AMD1: variants seen among roughly 807,000 people sequenced by gnomAD.
AMD1 encodes the protein S-adenosylmethionine decarboxylase proenzyme.
AMD1 carries 11 observed loss-of-function variants against 40.2 expected under a neutral mutation model. The ratio of observed to expected loss-of-function variants is 0.27; its 90% CI spans 0.17 to 0.45. The LOEUF (loss-of-function observed/expected upper bound fraction) is 0.45. AMD1 is among the 20% of genes least tolerant of loss of function. The probability of loss-of-function intolerance (pLI) is 1.00; values close to 1 mark genes in which losing one functional copy is unlikely to be tolerated. For missense variants in AMD1, 257 were observed against 410.2 expected, an observed-to-expected ratio of 0.63 and a Z score of 3.23; for synonymous variants, 121 against 130.8, an observed-to-expected ratio of 0.93 and a Z score of 0.51.
chr6:110,859,493 A>AT, the AMD1 span, among the ~76,000 whole-genome samples: 2 of 152,068 alleles, frequency 1.3e-5, no homozygotes, highest in African/African-American at 2.4e-5. Context: ...TCTCTTCCCC[A>AT]TTGTGTCAGC....
At chr6:110,879,098 CATGTCTAATCCCAGCACTCT>C (rs1785265285) in intron 1 of AMD1, among the ~76,000 whole-genome samples, 1 of 152,140 alleles carries the variant, frequency 6.6e-6, no homozygotes, top group Non-Finnish European at 1.5e-5. Context: ...CTTGGTGGCT[CATGTCTAATCCCAGCACTCT>C]GAGAGACCAA....
intron 1 of AMD1, among the ~76,000 whole-genome samples, chr6:110,886,770 C>T (rs904587947): frequency 3.9e-5 from 6 of 152,184 alleles, no homozygotes; most frequent in Non-Finnish European, 8.8e-5. Context: ...GAGACCCTGT[C>T]TCAAAAAATA....
At chr6:110,868,719 A>G in the AMD1 span, among the ~76,000 whole-genome samples, 1 of 152,168 alleles carries the variant, frequency 6.6e-6, no homozygotes, top group Non-Finnish European at 1.5e-5. Context: ...CTTTTGGGAC[A>G]GATTATACAT....
chr6:110,860,009 T>A, the AMD1 span, among the ~76,000 whole-genome samples: 18 of 152,146 alleles, frequency 1.2e-4, no homozygotes, highest in Non-Finnish European at 2.2e-4. Flanking sequence ...GTATTTTTAT[T>A]AGAGATGGGG....
chr6:110,884,688 T>C (rs1318267817), intron 1 of AMD1, among the ~76,000 whole-genome samples: 1 of 152,024 alleles, frequency 6.6e-6, no homozygotes, highest in Non-Finnish European at 1.5e-5. Flanking sequence ...TCTTGGCCTC[T>C]GAACCACAGT....
chr6:110,831,362 T>C, the AMD1 span, among the ~76,000 whole-genome samples: 1 of 151,070 alleles, frequency 6.6e-6, no homozygotes, highest in Non-Finnish European at 1.5e-5. Context: ...TGGCTTGAAC[T>C]CGGGAGGCAG....
chr6:110,818,858 C>T, the AMD1 span, among the ~76,000 whole-genome samples: 1 of 152,188 alleles, frequency 6.6e-6, no homozygotes, highest in East Asian at 1.9e-4. Flanking sequence ...CTCTCTGTGC[C>T]TTATAATTTA....
At chr6:110,826,794 C>A in the AMD1 span, among the ~76,000 whole-genome samples, 3 of 151,308 alleles carry the variant, frequency 2.0e-5, no homozygotes, top group Non-Finnish European at 1.5e-5. Context: ...CAGGTTCAAG[C>A]AATTCTCCTG....
the AMD1 span, among the ~76,000 whole-genome samples, chr6:110,861,685 T>C: frequency 6.9e-6 from 1 of 145,356 alleles, no homozygotes; most frequent in Non-Finnish European, 1.5e-5. Flanking sequence ...TTACTAAAAA[T>C]ACAAAAACTA....
chr6:110,864,015 A>G, the AMD1 span: 4 of 394,020 alleles, frequency 1.0e-5, no homozygotes, highest in Non-Finnish European at 2.0e-5. Flanking sequence ...GCTGGAGTGC[A>G]ATGGTGTGAT....
Position 110,893,912 on chromosome 6 carries a change from A to C in AMD1, c.*296A>C, listed in dbSNP as rs115794151. On this transcript the variant is annotated 3_prime_UTR_variant, in exon 9 of 9. Transcript: ENST00000368885. ...TATATGAAACTTTACAACACTTGTGAAAGCAACTCAATTTGGTTTATGCAC... is the reference window on the plus strand; with the variant it reads ...TATATGAAACTTTACAACACTTGTGCAAGCAACTCAATTTGGTTTATGCAC... The C allele has an allele frequency of 3.2e-6, 1 of 317,198 alleles. No homozygotes were observed. The highest frequency in any genetic ancestry group is 6.0e-6 in the Non-Finnish European group (1 of 165,446). The allele number at this position is 317,198 out of a possible 1,614,324, so 19.6% of individuals were successfully genotyped here. A position where few individuals can be genotyped will look rare whatever the true frequency, so the allele number is the denominator to read the frequency against.
At position 110,874,878 on chromosome 6, in the gene AMD1, C is replaced by T. The variant is rs1299622913; in HGVS notation, c.-228C>T. The T allele has an allele frequency of 7.5e-6, 4 of 534,080 alleles. No individual in the cohort carries two copies. The highest frequency in any genetic ancestry group is 1.0e-5 in the Non-Finnish European group (3 of 299,736). The allele number at this position is 534,080 out of a possible 1,614,324, so 33.1% of individuals were successfully genotyped here. On this transcript the variant is annotated 5_prime_UTR_variant, in exon 1 of 9. Coordinates refer to ENST00000368885, the MANE Select transcript of AMD1 (RefSeq NM_001634.6). ...ATACAAGAGACTGAACTGTATCTGCCTCTATTTCCAAAAGACTCACGTTCA... is the reference window on the plus strand; with the variant it reads ...ATACAAGAGACTGAACTGTATCTGCTTCTATTTCCAAAAGACTCACGTTCA...
Position 110,892,972 on chromosome 6 carries a change from A to C in AMD1, c.771A>C (p.Thr257=), listed in dbSNP as rs1374618683. Residue 257 remains threonine, a synonymous_variant, in exon 8 of 9, where the codon ACA becomes ACC. Transcript: ENST00000368885. ...AATTTTCTTATGTTAGCTTTGAAAC[A>C]AACTTAAGTCAGACCTCCTATGATG... ...EPEFSYVSFE[T]NLSQTSYDDL... 3 of 1,613,938 alleles carry C rather than the reference A, an allele frequency of 1.9e-6. No individual in the cohort carries two copies. The highest frequency in any genetic ancestry group is 2.5e-6 in the Non-Finnish European group (3 of 1,180,006).
At chr6:110,883,096 G>C (rs1479186623) in intron 1 of AMD1, among the ~76,000 whole-genome samples, 2 of 152,178 alleles carry the variant, frequency 1.3e-5, no homozygotes, top group African/African-American at 4.8e-5. Flanking sequence ...TTGTTCTCCA[G>C]CCTGGGTGAC....
chr6:110,837,730 AAAAAAAAAAAAAAAAATATATAT>A, the AMD1 span, among the ~76,000 whole-genome samples: 1 of 110,568 alleles, frequency 9.0e-6, no homozygotes. Flanking sequence ...AAAAAAAAAA[AAAAAAAAAAAAAAAAATATATAT>A]ATATATATAT....
the AMD1 span, among the ~76,000 whole-genome samples, chr6:110,841,785 GTTTTA>G: frequency 1.3e-5 from 2 of 150,126 alleles, no homozygotes; most frequent in East Asian, 3.9e-4. Context: ...TGAAACATTT[GTTTTA>G]TTTTATTTAT....
the AMD1 span, among the ~76,000 whole-genome samples, chr6:110,854,198 C>T: frequency 1.3e-5 from 2 of 152,118 alleles, no homozygotes; most frequent in Non-Finnish European, 1.5e-5. Flanking sequence ...AACACAAACA[C>T]GTTTAACTAG....
chr6:110,890,413 C>A, intron 4 of AMD1, 57 bp downstream of exon 4: 1 of 1,232,052 alleles, frequency 8.1e-7, no homozygotes, highest in Non-Finnish European at 1.2e-6. Context: ...AGTGCAACCT[C>A]AGAGATCTTT....
At chr6:110,870,127 C>G (rs1784888395), upstream of AMD1, among the ~76,000 whole-genome samples, 1 of 152,132 alleles carries the variant, frequency 6.6e-6, no homozygotes, top group Non-Finnish European at 1.5e-5. Flanking sequence ...GTTTAACAAC[C>G]GGTAAGTGTT....
Sources: gnomAD v4.1 joint callset for allele counts (sites outside exome capture counted in the v4.1 genomes callset) on GRCh38, gnomAD v4.1.1 for gene constraint, MANE v1.5 for transcripts, NCBI Gene and HGNC (gene_info 2026-07-23, HGNC 2026-07-21) for gene names.